KPNB1: variants seen among roughly 807,000 people sequenced by gnomAD.
KPNB1 encodes importin subunit beta-1.
In KPNB1, 7 loss-of-function variants were observed where a neutral mutation model predicts 113.0. That is an observed-to-expected ratio of 0.06 (90% CI 0.04 to 0.12). The LOEUF is 0.12. Among genes scored for constraint, KPNB1 ranks in the 10% least tolerant of loss-of-function variants. The probability of loss-of-function intolerance (pLI) is 1.00; values close to 1 mark genes in which losing one functional copy is unlikely to be tolerated. For synonymous variants in KPNB1, 363 were observed against 378.6 expected (o/e 0.96, Z 0.48); for missense variants, 400 against 1,054.8 (o/e 0.38, Z 8.60).
intron 6 of KPNB1, among the ~76,000 whole-genome samples, chr17:47,661,627 A>G (rs1437644730): frequency 1.3e-5 from 2 of 152,068 alleles, no homozygotes; most frequent in African/African-American, 2.4e-5. Flanking sequence ...AGAAGAGGGA[A>G]GAATTGTCAT....
Position 47,663,081 on chromosome 17 carries a change from C to T in KPNB1, c.697-8C>T. The T allele has an allele frequency of 6.7e-7, 1 of 1,495,588 alleles. No individual in the cohort carries two copies. Among genetic ancestry groups the T allele is most frequent in the Non-Finnish European group, 9.3e-7 (1 of 1,072,340 alleles). The allele number at this position is 1,495,588 out of a possible 1,614,324, so 92.6% of individuals were successfully genotyped here. A position where few individuals can be genotyped will look rare whatever the true frequency, so the allele number is the denominator to read the frequency against. On this transcript the variant is annotated splice_region_variant and splice_polypyrimidine_tract_variant and intron_variant, in intron 6 of 21. Coordinates refer to ENST00000290158, the MANE Select transcript of KPNB1 (RefSeq NM_002265.6). The stretch of plus-strand genomic sequence containing the variant: ...TTAGTAAACTATCTGATCTGCTGTT[C>T]ATAAAAGGTACGAGTGGCTGCTTTA...
chr17:47,681,649 C>T (rs935663891), intron 21 of KPNB1, among the ~76,000 whole-genome samples: 13 of 149,104 alleles, frequency 8.7e-5, no homozygotes, highest in Non-Finnish European at 1.9e-4. Context: ...TTTAGGTGAT[C>T]CACCCACCTC....
chr17:47,658,681 G>A (rs202194651), intron 5 of KPNB1, 21 bp downstream of exon 5: 238 of 1,604,384 alleles, frequency 1.5e-4, no homozygotes, highest in Non-Finnish European at 2.0e-4. Flanking sequence ...TGACAATAAG[G>A]TATAGATTCA....
intron 10 of KPNB1, 118 bp from the exon 11 acceptor site, chr17:47,669,560 G>A (rs1458049738): frequency 3.0e-6 from 2 of 662,134 alleles, no homozygotes; most frequent in Non-Finnish European, 5.3e-6. Flanking sequence ...TAAAATTACA[G>A]AAGTATCTTG....
intron 21 of KPNB1, 121 bp from the exon 22 acceptor site, chr17:47,682,283 C>T (rs970097511): frequency 1.4e-6 from 1 of 737,634 alleles, no homozygotes; most frequent in African/African-American, 1.7e-5. Context: ...GAGTGTCAAT[C>T]CTTGAAATGT....
intron 21 of KPNB1, among the ~76,000 whole-genome samples, chr17:47,681,702 T>G (rs2030790292): frequency 6.8e-6 from 1 of 146,796 alleles, no homozygotes; most frequent in Non-Finnish European, 1.5e-5. Flanking sequence ...TTTTTTTTTT[T>G]TTTTTTTTTG....
chr17:47,649,937 T>C lies in KPNB1; in HGVS notation c.-308T>C, dbSNP rs543541086. 67 of 1,282,920 alleles carry C rather than the reference T, an allele frequency of 5.2e-5. No individual in the cohort carries two copies. The highest frequency in any genetic ancestry group is 3.7e-4 in the African/African-American group (24 of 64,390). 79.5% of individuals were successfully genotyped at this position (1,282,920 alleles called of 1,614,324 possible). On this transcript the variant is annotated 5_prime_UTR_variant, in exon 1 of 22. Transcript: ENST00000290158. ...CCTCGCTCCCTCCCTGCGCGCCGCCTCTCACTCACAGCCTCCCTTCCTTCT... is the reference window on the plus strand; with the variant it reads ...CCTCGCTCCCTCCCTGCGCGCCGCCCCTCACTCACAGCCTCCCTTCCTTCT...
At chr17:47,654,915 T>C (rs1478275720) in intron 3 of KPNB1, among the ~76,000 whole-genome samples, 1 of 152,200 alleles carries the variant, frequency 6.6e-6, no homozygotes. Context: ...ATACCGTTTT[T>C]GTCCATTCTA....
Position 47,652,785 on chromosome 17 carries a change from C to T in KPNB1, c.191C>T (p.Ser64Phe). Residue 64 changes from serine (S) to phenylalanine (F), a missense_variant, in exon 3 of 22, where the codon TCT becomes TTT. Physicochemically the swap from Ser to Phe is radical, Grantham distance 155. Coordinates refer to ENST00000290158, the MANE Select transcript of KPNB1 (RefSeq NM_002265.6). ...RVAAGLQIKN[S>F]LTSKDPDIKA... ...GCAGCTGGTCTACAAATCAAGAACTCTTTGACATCTAAAGATCCAGATATC... is the reference window on the plus strand; with the variant it reads ...GCAGCTGGTCTACAAATCAAGAACTTTTTGACATCTAAAGATCCAGATATC... 3.7e-6 allele frequency: 6 copies of T among 1,613,170 alleles called. No homozygotes were observed. The highest frequency in any genetic ancestry group is 5.1e-6 in the Non-Finnish European group (6 of 1,179,766).
chr17:47,670,396 A>G (rs1360794112), intron 11 of KPNB1: 2 of 256,798 alleles, frequency 7.8e-6, no homozygotes, highest in East Asian at 1.6e-4. Flanking sequence ...ATCAAACAGG[A>G]TGATGAGAGA....
At chr17:47,650,500 G>A (rs1915510336) in intron 2 of KPNB1, 56 bp downstream of exon 2, 1 of 1,523,892 alleles carries the variant, frequency 6.6e-7, no homozygotes, top group Non-Finnish European at 8.9e-7. Flanking sequence ...TGCGTGCGGG[G>A]CCTTCCCGCC....
At chr17:47,663,459 T>C (rs1248106864) in intron 7 of KPNB1, among the ~76,000 whole-genome samples, 1 of 151,256 alleles carries the variant, frequency 6.6e-6, no homozygotes, top group Non-Finnish European at 1.5e-5. Context: ...AGGTCAGGAG[T>C]TCGAGACCAG....
chr17:47,652,681 C>A lies in KPNB1; in HGVS notation c.100-13C>A. On this transcript the variant is annotated splice_polypyrimidine_tract_variant and intron_variant, in intron 2 of 21. Transcript: ENST00000290158. ...AAGATATTTTTATTTACAAATTTATCTTCCCTTAACAGCCCACTTTCCTTG... is the reference window on the plus strand; with the variant it reads ...AAGATATTTTTATTTACAAATTTATATTCCCTTAACAGCCCACTTTCCTTG... 1 of 1,519,390 alleles carries A rather than the reference C, an allele frequency of 6.6e-7. No individual in the cohort carries two copies. Among genetic ancestry groups the A allele is most frequent in the Non-Finnish European group, 8.8e-7 (1 of 1,136,026 alleles). 94.1% of individuals were successfully genotyped at this position (1,519,390 alleles called of 1,614,324 possible). A position where few individuals can be genotyped will look rare whatever the true frequency, so the allele number is the denominator to read the frequency against.
chr17:47,670,803 A>G lies in KPNB1; in HGVS notation c.1518A>G (p.Ile506Met). ...TYCLSSSFEL[I>M]VQKLLETTDR... ...GCTTATCTTCTTCATTTGAACTCAT[A>G]GTTCAGAAGCTCCTAGAGACTACAG... Residue 506 changes from isoleucine (I) to methionine (M), a missense_variant, in exon 12 of 22, where the codon ATA becomes ATG. Physicochemically the swap from Ile to Met is conservative, Grantham distance 10 (BLOSUM62 1). Around this residue, in one of 2 missense-constraint regions of KPNB1, gnomAD observed 285 missense variants for 627.0 expected, o/e 0.45. Coordinates refer to ENST00000290158, the MANE Select transcript of KPNB1 (RefSeq NM_002265.6). The G allele has an allele frequency of 6.2e-7, 1 of 1,612,482 alleles. No individual in the cohort carries two copies. Among genetic ancestry groups the G allele is most frequent in the African/African-American group, 1.3e-5 (1 of 75,028 alleles).
In KPNB1 at chr17:47,682,020, CAA is replaced by C. The variant is rs1337369826; in HGVS notation, c.*-383_*-382del. Among the ~76,000 whole-genome samples the C allele has an allele frequency of 2.6e-5, 4 of 152,054 alleles. No individual in the cohort carries two copies. The East Asian group carries it at 7.8e-4, about 29-fold the overall frequency. On this transcript the variant is annotated intron_variant, in intron 21 of 21. Coordinates refer to ENST00000290158, the MANE Select transcript of KPNB1 (RefSeq NM_002265.6). ...GCTAATTTTTTTTTATTTTTAGAGA[CAA>C]GATCTCCTGTTGCCCAGGCTGGGTT...
chr17:47,669,041 C>G (rs1371786051), intron 10 of KPNB1, among the ~76,000 whole-genome samples: 2 of 150,796 alleles, frequency 1.3e-5, no homozygotes, highest in Non-Finnish European at 2.9e-5. Flanking sequence ...CTGGATATAG[C>G]CAGATGCCAT....
rs1344940809 is a variant in KPNB1 at position 47,684,916 on chromosome 17, C to G, written c.*2512C>G. ...CTTATATCAGTTATACCACCTAAGG[C>G]AACTGGGTGCAAAATGCATTCTGTT... On this transcript the variant is annotated 3_prime_UTR_variant, in exon 22 of 22. Transcript: ENST00000290158. The G allele has an allele frequency of 6.6e-6, 1 of 152,210 alleles. No individual in the cohort carries two copies. Among genetic ancestry groups the G allele is most frequent in the Non-Finnish European group, 1.5e-5 (1 of 68,036 alleles). The allele number at this position is 152,210 out of a possible 1,614,324, so 9.4% of individuals were successfully genotyped here.
chr17:47,651,363 C>G, intron 2 of KPNB1: 2 of 985,034 alleles, frequency 2.0e-6, no homozygotes, highest in African/African-American at 3.5e-5. Context: ...TGATGCTTGA[C>G]ATCTTTGAGA....
chr17:47,651,303 C>T (rs1915561772), intron 2 of KPNB1: 83 of 985,312 alleles, frequency 8.4e-5, no homozygotes, highest in Non-Finnish European at 1.0e-4. Flanking sequence ...TTAAGTTTCT[C>T]TTTGGTGTCC....
Sources: allele counts gnomAD v4.1 joint callset (sites outside exome capture counted in the v4.1 genomes callset), GRCh38; gene constraint gnomAD v4.1.1; regional missense constraint gnomAD v4.1.1; transcripts MANE v1.5; gene names NCBI Gene and HGNC (gene_info 2026-07-23, HGNC 2026-07-21).